Variants in OSBP2 observed in about 807,000 individuals in gnomAD.
OSBP2 encodes oxysterol binding protein 2.
In OSBP2, 66 loss-of-function variants were observed where a neutral mutation model predicts 96.0. The ratio of observed to expected loss-of-function variants is 0.69; its 90% confidence interval spans 0.56 to 0.84. The LOEUF is 0.84. Among genes scored for constraint, OSBP2 ranks in the 40% least tolerant of loss-of-function variants. The probability of loss-of-function intolerance (pLI) is 0.00; values close to 1 mark genes in which losing one functional copy is unlikely to be tolerated. For missense variants in OSBP2, 1,038 were observed against 1,222.7 expected (o/e 0.85, Z 2.25); for synonymous variants, 525 against 520.9 (o/e 1.01, Z -0.11).
chr22:30,767,967 C>A lies in OSBP2; in HGVS notation c.853+26598C>A, dbSNP rs149489082. 2.3e-3 allele frequency among the ~76,000 whole-genome samples: 349 copies of A among 152,278 alleles called. 1 individual carries two copies. Among genetic ancestry groups the A allele is most frequent in the African/African-American group, 7.8e-3 (326 of 41,556 alleles). On this transcript the variant is annotated intron_variant, in intron 2 of 13. Coordinates refer to ENST00000332585, the MANE Select transcript of OSBP2 (RefSeq NM_030758.4). ...AGAAGAAGGAGCCACCAGAAAGTAGCATAGGAAAATGATGGTCTTATTCTT... is the reference window on the plus strand; with the variant it reads ...AGAAGAAGGAGCCACCAGAAAGTAGAATAGGAAAATGATGGTCTTATTCTT...
chr22:30,735,438 A>T, intron 1 of OSBP2, among the ~76,000 whole-genome samples: 1 of 110,318 alleles, frequency 9.1e-6, no homozygotes, highest in African/African-American at 3.8e-5. Context: ...TTTTTGAGAC[A>T]GGGTCTTAAC....
At chr22:30,858,457 T>C (rs555754631) in intron 2 of OSBP2, among the ~76,000 whole-genome samples, 6 of 152,038 alleles carry the variant, frequency 3.9e-5, no homozygotes, top group Non-Finnish European at 7.4e-5. Context: ...CACTTTGTTT[T>C]TTATTCCTTT....
chr22:30,823,247 C>T (rs1262171208), intron 2 of OSBP2, among the ~76,000 whole-genome samples: 7 of 152,328 alleles, frequency 4.6e-5, no homozygotes, highest in Non-Finnish European at 1.0e-4. Context: ...CCTGTGCAGG[C>T]TCACAAGCCC....
At chr22:30,715,553 ATTT>A (rs36019275) in intron 1 of OSBP2, among the ~76,000 whole-genome samples, 1 of 142,928 alleles carries the variant, frequency 7.0e-6, no homozygotes, top group Admixed American at 7.0e-5. Flanking sequence ...TAATTTTTAG[ATTT>A]TTTTTTTTTT....
chr22:30,893,061 G>A lies in OSBP2; in HGVS notation c.1870-61G>A, dbSNP rs938905193. On this transcript the variant is annotated intron_variant, in intron 8 of 13. Coordinates refer to ENST00000332585, the MANE Select transcript of OSBP2 (RefSeq NM_030758.4). Reference sequence around the variant, plus strand: ...AGGGCAAGCTGTCCCTCCCTGGCTGGGGCAAGTGGAACCTGGGCTCATGTC... The same window carrying A: ...AGGGCAAGCTGTCCCTCCCTGGCTGAGGCAAGTGGAACCTGGGCTCATGTC... 2.5e-6 allele frequency: 4 copies of A among 1,596,932 alleles called. No homozygotes were observed. In the African/African-American group the frequency reaches 5.4e-5, roughly 21 times the overall value.
At chr22:30,729,682 T>C (rs1038118110) in intron 1 of OSBP2, among the ~76,000 whole-genome samples, 1 of 151,996 alleles carries the variant, frequency 6.6e-6, no homozygotes, top group African/African-American at 2.4e-5. Context: ...TGTGTATATA[T>C]GTATACACAA....
At chr22:30,896,796 C>A (rs1302387197) in intron 12 of OSBP2, among the ~76,000 whole-genome samples, 1 of 152,056 alleles carries the variant, frequency 6.6e-6, no homozygotes, top group Non-Finnish European at 1.5e-5. Context: ...CAGGCATGCA[C>A]CACCATGCCT....
chr22:30,694,639 A>C (rs77489705), upstream of OSBP2, among the ~76,000 whole-genome samples: 151,560 of 151,570 alleles, frequency 1, 75,775 homozygotes, highest in Middle Eastern at 1. Context: ...TTCGGAGTTG[A>C]CCGACCACCA....
intron 2 of OSBP2, among the ~76,000 whole-genome samples, chr22:30,848,792 T>G (rs1160275969): frequency 2.6e-5 from 4 of 152,222 alleles, no homozygotes; most frequent in Non-Finnish European, 5.9e-5. Flanking sequence ...AGTGTGAATA[T>G]ACCACAATTT....
chr22:30,768,151 A>G (rs1206187887), intron 2 of OSBP2, among the ~76,000 whole-genome samples: 1 of 151,918 alleles, frequency 6.6e-6, no homozygotes, highest in Admixed American at 6.6e-5. Context: ...AGCTCAAAGG[A>G]GATTGGTGTT....
chr22:30,751,114 C>T (rs1385979616), intron 2 of OSBP2, among the ~76,000 whole-genome samples: 1 of 152,128 alleles, frequency 6.6e-6, no homozygotes, highest in Non-Finnish European at 1.5e-5. Flanking sequence ...AAACCCTGCC[C>T]ACTTCAAGTT....
rs1189519645 is a variant in OSBP2 at position 30,890,757 on chromosome 22, C to G, written c.1653C>G (p.Leu551=). ...PVNFNEPLSM[L]QRLTEDLEYH... ...ACTTCAATGAGCCCCTGTCCATGCT[C>G]CAGCGGCTGACAGAGGACCTGGAGT... is the stretch of plus-strand genomic sequence containing the variant. Residue 551 remains leucine (L), a synonymous_variant, in exon 8 of 14, where the codon CTC becomes CTG. Transcript: ENST00000332585. This position sits in a 1 kb window ranked among gnomAD's most constrained non-coding sequence, Gnocchi z 4.4. The G allele has an allele frequency of 2.5e-6, 4 of 1,613,014 alleles. No homozygotes were observed. The highest frequency in any genetic ancestry group is 3.4e-6 in the Non-Finnish European group (4 of 1,179,952).
At chr22:30,799,156 C>T (rs1181941836) in intron 2 of OSBP2, among the ~76,000 whole-genome samples, 9 of 150,824 alleles carry the variant, frequency 6.0e-5, no homozygotes, top group African/African-American at 2.2e-4. Context: ...GTCGCCCAGG[C>T]TGGAGTGCAG....
In OSBP2 at chr22:30,875,270, G is replaced by A. The variant is rs547191542; in HGVS notation, c.1107+4588G>A. ...ATCACCTGGCCCAGAACAGCATTTC[G>A]TGGCATTAAATTGTATGGGCAACCA... On this transcript the variant is annotated intron_variant, in intron 3 of 13. Coordinates refer to ENST00000332585, the MANE Select transcript of OSBP2 (RefSeq NM_030758.4). 5.3e-5 allele frequency among the ~76,000 whole-genome samples: 8 copies of A among 152,148 alleles called. No homozygotes were observed. In the South Asian group the frequency reaches 1.7e-3, roughly 32 times the overall value.
In OSBP2 at chr22:30,871,266, G is replaced by A. The variant is rs879852765; in HGVS notation, c.1107+584G>A. ...AGCAGCCCCGCCACAGGAGTCAGCC[G>A]CTCACCCTGGCTCTGGAAGCCACAC... On this transcript the variant is annotated intron_variant, in intron 3 of 13. Transcript: ENST00000332585. The surrounding 1 kb of genome is among the most constrained non-coding windows in gnomAD (Gnocchi z 4.7). 3.7e-4 allele frequency among the ~76,000 whole-genome samples: 56 copies of A among 152,130 alleles called. No individual in the cohort carries two copies. The highest frequency in any genetic ancestry group is 3.4e-3 in the Admixed American group (52 of 15,280).
intron 2 of OSBP2, among the ~76,000 whole-genome samples, chr22:30,772,384 A>G (rs1602241601): frequency 6.6e-6 from 1 of 152,194 alleles, no homozygotes; most frequent in South Asian, 2.1e-4. Flanking sequence ...GTCGTGGAAG[A>G]CCTGCAGCCA....
At chr22:30,744,512 C>G (rs1340617477) in intron 2 of OSBP2, among the ~76,000 whole-genome samples, 1 of 152,172 alleles carries the variant, frequency 6.6e-6, no homozygotes, top group Non-Finnish European at 1.5e-5. Flanking sequence ...TTGCCATGCC[C>G]TAATCCAAGT....
intron 2 of OSBP2, among the ~76,000 whole-genome samples, chr22:30,759,967 T>C (rs1276737746): frequency 6.6e-6 from 1 of 152,046 alleles, no homozygotes; most frequent in Middle Eastern, 3.2e-3. Context: ...GTTCAAGCAG[T>C]TCTCCTCCCT....
At chr22:30,717,780 G>C (rs1479655608) in intron 1 of OSBP2, among the ~76,000 whole-genome samples, 1 of 152,066 alleles carries the variant, frequency 6.6e-6, no homozygotes, top group Non-Finnish European at 1.5e-5. Context: ...CCTCATCTCT[G>C]CCTCTCCAGC....
Sources: gnomAD v4.1 joint callset for allele counts (sites outside exome capture counted in the v4.1 genomes callset) on GRCh38, gnomAD v4.1.1 for gene constraint, Gnocchi (gnomAD v3.1) non-coding constraint, MANE v1.5 for transcripts, NCBI Gene and HGNC (gene_info 2026-07-23, HGNC 2026-07-21) for gene names.